Variants in THRB observed in about 807,000 individuals in gnomAD.
The protein encoded by THRB is nuclear receptor subfamily 1 group A member 2.
Under a neutral mutation model 47.8 loss-of-function variants are expected in THRB, and 12 were observed. The observed-to-expected ratio is 0.25, with a 90% CI of 0.16 to 0.41. THRB has a LOEUF of 0.41. Ranked by LOEUF, THRB falls within the 10% of genes least tolerant of loss-of-function variation. The pLI, the probability that THRB is intolerant of heterozygous loss-of-function variation, is 1.00. For missense variants in THRB, 348 were observed against 589.2 expected, an observed-to-expected ratio of 0.59 and a Z score of 4.24; for synonymous variants, 218 against 212.2, an observed-to-expected ratio of 1.03 and a Z score of -0.24.
chr3:24,218,338 C>T (rs866634205), intron 4 of THRB, among the ~76,000 whole-genome samples: 3 of 105,964 alleles, frequency 2.8e-5, no homozygotes, highest in African/African-American at 1.4e-4. Flanking sequence ...CTCTCTCTCT[C>T]TCTCTTTTTT....
intron 1 of THRB, among the ~76,000 whole-genome samples, chr3:24,407,439 C>A (rs551984553): frequency 6.6e-6 from 1 of 151,726 alleles, no homozygotes; most frequent in African/African-American, 2.4e-5. Flanking sequence ...AATACCAGAC[C>A]TACCAGCTGA....
intron 1 of THRB, among the ~76,000 whole-genome samples, chr3:24,444,741 A>G (rs9883790): frequency 0.26 from 40,260 of 151,962 alleles, 5,796 homozygotes; most frequent in Admixed American, 0.34. Flanking sequence ...GTGTGCCACC[A>G]TGCCTGGCTA....
chr3:24,328,403 C>T (rs988040445), intron 2 of THRB, among the ~76,000 whole-genome samples: 2 of 152,290 alleles, frequency 1.3e-5, no homozygotes, highest in Admixed American at 6.5e-5. Flanking sequence ...GCATTTGACG[C>T]CTCCACATAA....
intron 3 of THRB, among the ~76,000 whole-genome samples, chr3:24,234,969 G>GTA (rs1163897728): frequency 1.3e-5 from 2 of 152,166 alleles, no homozygotes; most frequent in African/African-American, 4.8e-5. Context: ...GAAAAATGGG[G>GTA]AGCCACGGAA....
intron 3 of THRB, among the ~76,000 whole-genome samples, chr3:24,261,454 G>A (rs1014611966): frequency 7.6e-5 from 11 of 144,726 alleles, no homozygotes; most frequent in African/African-American, 1.8e-4. Context: ...AGCGGAGATC[G>A]TGCCACTGCA....
chr3:24,306,816 T>C (rs1033800169), intron 2 of THRB, among the ~76,000 whole-genome samples: 1 of 152,220 alleles, frequency 6.6e-6, no homozygotes, highest in Non-Finnish European at 1.5e-5. Flanking sequence ...TCAAGAGAGC[T>C]AAAATCTATC....
chr3:24,289,218 T>C (rs929559326), intron 3 of THRB, among the ~76,000 whole-genome samples: 2 of 152,148 alleles, frequency 1.3e-5, no homozygotes, highest in African/African-American at 4.8e-5. Context: ...ATGAAACACG[T>C]AGGATTTAAA....
chr3:24,223,898 G>A (rs559060625), intron 4 of THRB, among the ~76,000 whole-genome samples: 1 of 151,936 alleles, frequency 6.6e-6, no homozygotes, highest in South Asian at 2.1e-4. Flanking sequence ...GTGTGTGGGG[G>A]GGGTATATAG....
At chr3:24,401,590 T>C (rs1203528923) in intron 1 of THRB, among the ~76,000 whole-genome samples, 1 of 152,078 alleles carries the variant, frequency 6.6e-6, no homozygotes, top group Non-Finnish European at 1.5e-5. Flanking sequence ...TCAATAACTC[T>C]GCCTAGCCTC....
intron 2 of THRB, among the ~76,000 whole-genome samples, chr3:24,312,778 T>C (rs2057842814): frequency 6.6e-6 from 1 of 152,226 alleles, no homozygotes; most frequent in Admixed American, 6.5e-5. Context: ...GTAGGCCATG[T>C]GGAAGAGCGA....
At chr3:24,460,389 T>C (rs1278276743) in intron 1 of THRB, among the ~76,000 whole-genome samples, 3 of 152,224 alleles carry the variant, frequency 2.0e-5, no homozygotes, top group Non-Finnish European at 4.4e-5. Flanking sequence ...CTCAATTATC[T>C]TTATCAGCAA....
At chr3:24,388,816 G>C (rs148709306) in intron 1 of THRB, among the ~76,000 whole-genome samples, 1 of 152,136 alleles carries the variant, frequency 6.6e-6, no homozygotes, top group African/African-American at 2.4e-5. Flanking sequence ...TTAGCCTACT[G>C]CTTCCCTCAA....
At chr3:24,265,975 C>CT (rs999374750) in intron 3 of THRB, among the ~76,000 whole-genome samples, 23 of 152,182 alleles carry the variant, frequency 1.5e-4, no homozygotes, top group Non-Finnish European at 2.6e-4. Flanking sequence ...CTTTATAATA[C>CT]TTTTTTGTAT....
At chr3:24,395,346 G>T (rs1395540111) in intron 1 of THRB, among the ~76,000 whole-genome samples, 2 of 152,086 alleles carry the variant, frequency 1.3e-5, no homozygotes, top group South Asian at 2.1e-4. Context: ...CAGAAGAGAA[G>T]AATATATTTG....
intron 1 of THRB, among the ~76,000 whole-genome samples, chr3:24,413,354 T>C (rs1468983898): frequency 6.6e-6 from 1 of 151,810 alleles, no homozygotes; most frequent in Non-Finnish European, 1.5e-5. Context: ...CCCAAAAATA[T>C]GTCCACATTC....
intron 3 of THRB, among the ~76,000 whole-genome samples, chr3:24,286,162 G>T (rs1483274727): frequency 6.6e-6 from 1 of 152,166 alleles, no homozygotes; most frequent in Non-Finnish European, 1.5e-5. Context: ...GGACACCCAA[G>T]CCTCAAGAAC....
intron 3 of THRB, among the ~76,000 whole-genome samples, chr3:24,262,831 T>C (rs2052210698): frequency 6.6e-6 from 1 of 152,122 alleles, no homozygotes; most frequent in Admixed American, 6.5e-5. Context: ...GTAAACACCA[T>C]GAGGAAGGGA....
intron 8 of THRB, among the ~76,000 whole-genome samples, chr3:24,135,976 A>T (rs6795041): frequency 0.014 from 2,148 of 151,828 alleles, 56 homozygotes; most frequent in African/African-American, 0.049. Context: ...ACATCTCTCA[A>T]TGAATACTGA....
intron 3 of THRB, among the ~76,000 whole-genome samples, chr3:24,287,538 C>T (rs1301876733): frequency 6.6e-6 from 1 of 152,118 alleles, no homozygotes; most frequent in African/African-American, 2.4e-5. Context: ...GAGAGTTGTT[C>T]TGGGATTCTG....
Sources: allele counts gnomAD v4.1 joint callset (sites outside exome capture counted in the v4.1 genomes callset), GRCh38; gene constraint gnomAD v4.1.1; transcripts MANE v1.5; gene names NCBI Gene and HGNC (gene_info 2026-07-23, HGNC 2026-07-21).